The following SSBP2 variants were observed in gnomAD, a reference collection of about 807,000 sequenced individuals.
The protein encoded by SSBP2 is single-stranded DNA-binding protein 2.
In SSBP2, 17 loss-of-function variants were observed where a neutral mutation model predicts 61.8. The observed-to-expected ratio is 0.28, with a 90% CI of 0.19 to 0.41. The LOEUF is 0.41. Among genes scored for constraint, SSBP2 ranks in the 10% least tolerant of loss-of-function variants. The pLI is 1.00. For synonymous variants in SSBP2, 139 were observed against 141.3 expected, an observed-to-expected ratio of 0.98 and a Z score of 0.12; for missense variants, 310 against 458.7, an observed-to-expected ratio of 0.68 and a Z score of 2.96.
chr5:81,733,478 A>G (rs1157951646), intron 1 of SSBP2, among the ~76,000 whole-genome samples: 1 of 152,134 alleles, frequency 6.6e-6, no homozygotes, highest in Non-Finnish European at 1.5e-5. Flanking sequence ...ACAGACGGAA[A>G]CTCATTGGTC....
chr5:81,485,343 T>C (rs763423468), intron 6 of SSBP2, among the ~76,000 whole-genome samples: 1 of 152,172 alleles, frequency 6.6e-6, no homozygotes, highest in East Asian at 1.9e-4. Flanking sequence ...TTTTACAACA[T>C]AGTGACATTA....
intron 4 of SSBP2, among the ~76,000 whole-genome samples, chr5:81,605,985 C>A (rs1408383058): frequency 6.6e-6 from 1 of 152,036 alleles, no homozygotes; most frequent in Admixed American, 6.6e-5. Flanking sequence ...GAAATAGACC[C>A]AAACAGGTTG....
chr5:81,588,323 T>C (rs949713673), intron 4 of SSBP2, among the ~76,000 whole-genome samples: 1 of 152,118 alleles, frequency 6.6e-6, no homozygotes, highest in African/African-American at 2.4e-5. Flanking sequence ...TAGATCACAA[T>C]GGTTCTAGTA....
intron 4 of SSBP2, among the ~76,000 whole-genome samples, chr5:81,608,296 A>G (rs933178364): frequency 1.3e-5 from 2 of 151,818 alleles, no homozygotes; most frequent in Non-Finnish European, 2.9e-5. Context: ...CTCATTCATT[A>G]TTTTCCATTT....
chr5:81,501,919 T>A (rs1580853536), intron 5 of SSBP2, among the ~76,000 whole-genome samples: 1 of 151,856 alleles, frequency 6.6e-6, no homozygotes. Context: ...AGGATGGGAA[T>A]AGCAGATACT....
At position 81,414,623 on chromosome 5, in the gene SSBP2, G is replaced by A. The variant is rs1232211216; in HGVS notation, c.*5881C>T. ...TATAATTACTGTGTAACACCTTGTAGTATCAGTGAAGTGGCTGAGAATTAA... is the reference window on the plus strand; with the variant it reads ...TATAATTACTGTGTAACACCTTGTAATATCAGTGAAGTGGCTGAGAATTAA... On this transcript the variant is annotated 3_prime_UTR_variant, in exon 17 of 17. Transcript: ENST00000320672. 2 of 152,156 alleles carry A rather than the reference G, an allele frequency of 1.3e-5. No individual in the cohort carries two copies. Among genetic ancestry groups the A allele is most frequent in the Non-Finnish European group, 2.9e-5 (2 of 68,028 alleles). The allele number at this position is 152,156 out of a possible 1,614,324, so 9.4% of individuals were successfully genotyped here. A position where few individuals can be genotyped will look rare whatever the true frequency, so the allele number is the denominator to read the frequency against.
chr5:81,693,013 G>C (rs1753322826), intron 1 of SSBP2, among the ~76,000 whole-genome samples: 1 of 151,850 alleles, frequency 6.6e-6, no homozygotes, highest in Non-Finnish European at 1.5e-5. Context: ...AGACCATCCT[G>C]GCCAACACAG....
Position 81,413,158 on chromosome 5 carries a change from A to G in SSBP2, c.*7346T>C, listed in dbSNP as rs1761199209. 1 of 152,226 alleles carries G rather than the reference A, an allele frequency of 6.6e-6. No homozygotes were observed. The highest frequency in any genetic ancestry group is 6.5e-5 in the Admixed American group (1 of 15,290). 9.4% of individuals were successfully genotyped at this position (152,226 alleles called of 1,614,324 possible). A position where few individuals can be genotyped will look rare whatever the true frequency, so the allele number is the denominator to read the frequency against. On this transcript the variant is annotated 3_prime_UTR_variant, in exon 17 of 17. Transcript: ENST00000320672. Reference sequence around the variant, plus strand: ...TGTATTTTAAAAAATTAAATGTGAAAACGTGCCAAATTAAGGGTCATTTAT... The same window carrying G: ...TGTATTTTAAAAAATTAAATGTGAAGACGTGCCAAATTAAGGGTCATTTAT...
chr5:81,736,564 T>C (rs748796873), intron 1 of SSBP2, among the ~76,000 whole-genome samples: 100 of 152,226 alleles, frequency 6.6e-4, no homozygotes, highest in Non-Finnish European at 1.3e-3. Flanking sequence ...TATATGCATG[T>C]ATGGATATTA....
chr5:81,554,728 G>A (rs1351135996), intron 4 of SSBP2, among the ~76,000 whole-genome samples: 1 of 152,002 alleles, frequency 6.6e-6, no homozygotes, highest in Non-Finnish European at 1.5e-5. Flanking sequence ...GACAGTTTAT[G>A]GGCAAGCCAG....
Position 81,554,696 on chromosome 5 carries a change from C to T in SSBP2, c.283-40979G>A, listed in dbSNP as rs534691488. Among the ~76,000 whole-genome samples the T allele has an allele frequency of 1.7e-4, 26 of 151,950 alleles. No individual in the cohort carries two copies. The East Asian group carries it at 4.8e-3, about 28-fold the overall frequency. Reference sequence around the variant, plus strand: ...AAAAGAGGTTTAGAATTGTTATTTGCTTTGGTTTGTTTGTTTTGCATGACA... The same window carrying T: ...AAAAGAGGTTTAGAATTGTTATTTGTTTTGGTTTGTTTGTTTTGCATGACA... On this transcript the variant is annotated intron_variant, in intron 4 of 16. Coordinates refer to ENST00000320672, the MANE Select transcript of SSBP2 (RefSeq NM_012446.5).
At chr5:81,523,115 C>T (rs944813241) in intron 4 of SSBP2, among the ~76,000 whole-genome samples, 28 of 151,848 alleles carry the variant, frequency 1.8e-4, no homozygotes, top group African/African-American at 5.8e-4. Flanking sequence ...CTACAAAAGG[C>T]GAACTTTTCA....
chr5:81,570,603 C>G (rs35586490), intron 4 of SSBP2, among the ~76,000 whole-genome samples: 63,006 of 152,068 alleles, frequency 0.41, 16,108 homozygotes, highest in African/African-American at 0.73. Context: ...GGGGCGTCTG[C>G]CTGAGGAAGC....
chr5:81,481,149 C>G (rs1005851161), intron 6 of SSBP2, among the ~76,000 whole-genome samples: 17 of 152,174 alleles, frequency 1.1e-4, no homozygotes, highest in Non-Finnish European at 2.5e-4. Context: ...GGGTCTGAAT[C>G]AGCTTCTTCC....
At chr5:81,720,654 A>ATTG (rs1755484681) in intron 1 of SSBP2, among the ~76,000 whole-genome samples, 1 of 152,222 alleles carries the variant, frequency 6.6e-6, no homozygotes, top group Non-Finnish European at 1.5e-5. Context: ...ATAAATATCA[A>ATTG]GGCACTTCCC....
intron 10 of SSBP2, among the ~76,000 whole-genome samples, chr5:81,454,922 C>A (rs1489206692): frequency 6.6e-6 from 1 of 151,670 alleles, no homozygotes; most frequent in Non-Finnish European, 1.5e-5. Flanking sequence ...AGAGAAGGGG[C>A]CAAACATAAT....
chr5:81,652,987 G>A (rs1050689423), intron 1 of SSBP2, among the ~76,000 whole-genome samples: 7 of 149,880 alleles, frequency 4.7e-5, no homozygotes, highest in South Asian at 2.1e-4. Flanking sequence ...ATACATGTGC[G>A]GAACGTGCAA....
At chr5:81,521,298 T>C (rs1367868971) in intron 4 of SSBP2, among the ~76,000 whole-genome samples, 1 of 152,036 alleles carries the variant, frequency 6.6e-6, no homozygotes. Context: ...TTTTTGTTTT[T>C]ATCATCTCTT....
intron 4 of SSBP2, among the ~76,000 whole-genome samples, chr5:81,574,327 GA>G (rs1277537770): frequency 6.6e-6 from 1 of 151,094 alleles, no homozygotes; most frequent in Admixed American, 6.6e-5. Context: ...TAGCCCAACT[GA>G]AAAAAAATAA....
Sources: allele counts gnomAD v4.1 joint callset (sites outside exome capture counted in the v4.1 genomes callset), GRCh38; gene constraint gnomAD v4.1.1; transcripts MANE v1.5; gene names NCBI Gene and HGNC (gene_info 2026-07-23, HGNC 2026-07-21).